Variants in DHRS7B observed in about 807,000 individuals in gnomAD.
DHRS7B encodes peroxisomal reductase activating PPAR-gamma.
DHRS7B carries 24 observed loss-of-function variants against 26.4 expected under a neutral mutation model. The ratio of observed to expected loss-of-function variants is 0.91; its 90% confidence interval spans 0.66 to 1.28. The LOEUF (loss-of-function observed/expected upper bound fraction) is 1.28. DHRS7B is among the 50% of genes most tolerant of loss of function. The pLI is 0.00. For synonymous variants in DHRS7B, 142 were observed against 166.4 expected, an observed-to-expected ratio of 0.85 and a Z score of 1.13; for missense variants, 368 against 419.4, an observed-to-expected ratio of 0.88 and a Z score of 1.07.
intron 5 of DHRS7B, among the ~76,000 whole-genome samples, chr17:21,187,094 G>GAGATATATAT (rs1555540707): frequency 7.0e-6 from 1 of 143,134 alleles, no homozygotes; most frequent in East Asian, 2.0e-4. Flanking sequence ...TGTATTAAAA[G>GAGATATATAT]ATATATATAT....
intron 5 of DHRS7B, among the ~76,000 whole-genome samples, chr17:21,184,720 T>C (rs1365837745): frequency 6.6e-6 from 1 of 152,102 alleles, no homozygotes; most frequent in South Asian, 2.1e-4. Flanking sequence ...ACAGCCTCAG[T>C]CTTAGCCCGG....
intron 1 of DHRS7B, among the ~76,000 whole-genome samples, chr17:21,142,196 T>C (rs1973531833): frequency 6.6e-6 from 1 of 152,140 alleles, no homozygotes; most frequent in Non-Finnish European, 1.5e-5. Context: ...GAGAGGGTCA[T>C]GATCGATTGA....
chr17:21,166,565 C>T (rs1187967199), intron 1 of DHRS7B: 1 of 683,522 alleles, frequency 1.5e-6, no homozygotes, highest in Non-Finnish European at 1.8e-6. Flanking sequence ...GCAGTTTGAC[C>T]CTGCCTTTAC....
chr17:21,162,195 T>G (rs1177625167), intron 1 of DHRS7B, among the ~76,000 whole-genome samples: 4 of 152,152 alleles, frequency 2.6e-5, no homozygotes, highest in African/African-American at 9.7e-5. Context: ...TGAGACTACA[T>G]GAAATTAAGC....
intron 2 of DHRS7B, among the ~76,000 whole-genome samples, chr17:21,173,507 G>A (rs542196656): frequency 3.3e-5 from 5 of 152,322 alleles, no homozygotes; most frequent in South Asian, 2.1e-4. Context: ...GGAGAAGCAC[G>A]GTCCTGTAGG....
At chr17:21,179,762 C>CTTTTTTTTTT (rs55928399) in intron 3 of DHRS7B, among the ~76,000 whole-genome samples, 1 of 137,604 alleles carries the variant, frequency 7.3e-6, no homozygotes. Flanking sequence ...TTTTCACTTT[C>CTTTTTTTTTT]TTTTTTTTTT....
At chr17:21,174,191 T>C (rs1053337077) in intron 2 of DHRS7B, among the ~76,000 whole-genome samples, 1 of 152,210 alleles carries the variant, frequency 6.6e-6, no homozygotes, top group Admixed American at 6.5e-5. Context: ...GGCAGAGCTA[T>C]GTTGTCCTCA....
chr17:21,150,835 T>G (rs1180218067), intron 1 of DHRS7B, among the ~76,000 whole-genome samples: 1 of 152,206 alleles, frequency 6.6e-6, no homozygotes, highest in Non-Finnish European at 1.5e-5. Flanking sequence ...CTCCCCTATC[T>G]CGAGATTCTT....
chr17:21,183,836 G>A, intron 4 of DHRS7B, 26 bp downstream of exon 4: 1 of 1,585,070 alleles, frequency 6.3e-7, no homozygotes, highest in South Asian at 1.1e-5. Context: ...AAAGAGCAGT[G>A]ATAAGTGATA....
In DHRS7B at chr17:21,191,035, T is replaced by C. The variant is rs1974767900; in HGVS notation, c.860T>C (p.Val287Ala). 3.7e-6 allele frequency: 6 copies of C among 1,614,274 alleles called. No homozygotes were observed. The East Asian group carries it at 1.1e-4, about 30-fold the overall frequency. Residue 287 changes from valine (V) to alanine (A), a missense_variant, in exon 7 of 7, where the codon GTG becomes GCG. Val to Ala is a moderately conservative substitution (Grantham distance 64). Coordinates refer to ENST00000395511, the MANE Select transcript of DHRS7B (RefSeq NM_015510.5). ...GCTGTGGGGAAGAAGAAGAAAGATG[T>C]GATCCTGGCTGACTTACTGCCTTCC... ...LAAVGKKKKD[V>A]ILADLLPSLA... is the part of the protein sequence containing the mutation.
chr17:21,172,195 A>G lies in DHRS7B; in HGVS notation c.198A>G (p.Lys66=). Residue 66 remains lysine (K), a splice_region_variant and synonymous_variant, in exon 2 of 7, where the codon AAA becomes AAG. Transcript: ENST00000395511. The stretch of plus-strand genomic sequence containing the variant: ...CAGGCGCCACCTCAGGGCTGGGCAA[A>G]GGTGGGTCCTGGAGGCAGTGCTGCC... ...VITGATSGLG[K]ECAKVFYAAG... 6.2e-7 allele frequency: 1 copy of G among 1,610,474 alleles called. No homozygotes were observed.
chr17:21,177,973 G>A (rs939048404), intron 2 of DHRS7B, among the ~76,000 whole-genome samples: 1 of 152,252 alleles, frequency 6.6e-6, no homozygotes, highest in Non-Finnish European at 1.5e-5. Flanking sequence ...AGGTGAACAG[G>A]AACATCATGG....
intron 2 of DHRS7B, among the ~76,000 whole-genome samples, chr17:21,173,908 G>A (rs1974316062): frequency 6.6e-6 from 1 of 152,174 alleles, no homozygotes; most frequent in Non-Finnish European, 1.5e-5. Flanking sequence ...TGAGAAGCAT[G>A]CTGTCATCTT....
At chr17:21,176,060 T>C (rs1974370886) in intron 2 of DHRS7B, among the ~76,000 whole-genome samples, 1 of 152,084 alleles carries the variant, frequency 6.6e-6, no homozygotes. Flanking sequence ...TACAGTGGTG[T>C]GATCATGGCT....
chr17:21,189,410 C>A (rs1213976010), intron 6 of DHRS7B, among the ~76,000 whole-genome samples: 1 of 152,236 alleles, frequency 6.6e-6, no homozygotes, highest in African/African-American at 2.4e-5. Flanking sequence ...CTGGCCCCAG[C>A]ATGCAGGCTC....
intron 1 of DHRS7B, among the ~76,000 whole-genome samples, chr17:21,159,884 A>AG (rs1458355793): frequency 1.3e-5 from 2 of 149,412 alleles, no homozygotes; most frequent in African/African-American, 5.0e-5. Flanking sequence ...AAAAAAAAAA[A>AG]GGACTATTGT....
chr17:21,153,416 A>T (rs572158827), intron 1 of DHRS7B, among the ~76,000 whole-genome samples: 9 of 152,346 alleles, frequency 5.9e-5, no homozygotes, highest in Non-Finnish European at 8.8e-5. Context: ...ACTACAAAAG[A>T]TGTAACATAC....
intron 1 of DHRS7B, among the ~76,000 whole-genome samples, chr17:21,166,961 G>T (rs550735633): frequency 6.6e-6 from 1 of 152,072 alleles, no homozygotes; most frequent in South Asian, 2.1e-4. Flanking sequence ...TTTAATTTCT[G>T]TATGTGGTTT....
chr17:21,188,015 AT>A (rs1197861923), intron 5 of DHRS7B, among the ~76,000 whole-genome samples: 3 of 151,538 alleles, frequency 2.0e-5, no homozygotes, highest in African/African-American at 4.8e-5. Context: ...AGCCTGGCTA[AT>A]TTTTTTTGTA....
Sources: gnomAD v4.1 joint callset for allele counts (sites outside exome capture counted in the v4.1 genomes callset) on GRCh38, gnomAD v4.1.1 for gene constraint, MANE v1.5 for transcripts, NCBI Gene and HGNC (gene_info 2026-07-23, HGNC 2026-07-21) for gene names.